The following PARP1 variants were observed in gnomAD, a reference collection of about 807,000 sequenced individuals.
PARP1 encodes the protein poly [ADP-ribose] polymerase 1.
A neutral mutation model predicts 118.7 loss-of-function variants in PARP1; 44 were observed. That is an observed-to-expected ratio of 0.37 (90% CI 0.29 to 0.48). PARP1 has a LOEUF of 0.48. Among genes scored for constraint, PARP1 ranks in the 20% least tolerant of loss-of-function variants. PARP1 has a pLI of 0.99. For missense variants in PARP1, 1,100 were observed against 1,272.4 expected (o/e 0.86, Z 2.06); for synonymous variants, 492 against 483.2 (o/e 1.02, Z -0.24).
intron 2 of PARP1, among the ~76,000 whole-genome samples, chr1:226,397,085 T>C (rs1458687282): frequency 6.6e-6 from 1 of 151,418 alleles, no homozygotes; most frequent in Non-Finnish European, 1.5e-5. Context: ...AGCCAAGAGT[T>C]TGAGACCAGC....
chr1:226,374,842 G>A (rs1053275093), intron 13 of PARP1, among the ~76,000 whole-genome samples: 1 of 152,166 alleles, frequency 6.6e-6, no homozygotes. Flanking sequence ...AAAGTACCAA[G>A]CAACCAGTCC....
intron 19 of PARP1, 49 bp downstream of exon 19, chr1:226,364,953 C>T (rs746083590): frequency 6.2e-7 from 1 of 1,605,518 alleles, no homozygotes; most frequent in South Asian, 1.1e-5. Context: ...TTTATGGAGA[C>T]ACCTGCAGAG....
At chr1:226,379,683 A>AACTT (rs1664566834) in intron 10 of PARP1, 42 bp from the exon 11 acceptor site, 1 of 1,508,258 alleles carries the variant, frequency 6.6e-7, no homozygotes, top group African/African-American at 1.4e-5. Context: ...AGTTAAATGT[A>AACTT]ACTAAAAAGT....
intron 12 of PARP1, among the ~76,000 whole-genome samples, chr1:226,378,566 G>A (rs1040942456): frequency 5.9e-5 from 9 of 152,112 alleles, no homozygotes; most frequent in Admixed American, 2.0e-4. Flanking sequence ...AGCCAGCTGG[G>A]GCTGGGTGCA....
chr1:226,363,783 T>A (rs561276591), intron 20 of PARP1, among the ~76,000 whole-genome samples, 160 bp downstream of exon 20: 1 of 152,340 alleles, frequency 6.6e-6, no homozygotes, highest in African/African-American at 2.4e-5. Flanking sequence ...TTCCCTTAAC[T>A]TGAATTGGAT....
In PARP1 at chr1:226,380,079, G is replaced by C. The variant is rs2102735595; in HGVS notation, c.1386C>G (p.Val462=). The C allele has an allele frequency of 6.2e-7, 1 of 1,614,220 alleles. No individual in the cohort carries two copies. Residue 462 remains valine (V), a synonymous_variant, in exon 10 of 23, where the codon GTC becomes GTG. Coordinates refer to ENST00000366794, the MANE Select transcript of PARP1 (RefSeq NM_001618.4). ...RVVSEDFLQD[V]SASTKSLQEL... The stretch of plus-strand genomic sequence containing the variant: ...CCTGAAGGCTCTTGGTGGAGGCGGA[G>C]ACGTCCTGGAGGAAGTCCTCAGACA...
Position 226,363,115 on chromosome 1 carries a change from G to C in PARP1, c.2832C>G (p.Gly944=). 1 of 1,613,440 alleles carries C rather than the reference G, an allele frequency of 6.2e-7. No homozygotes were observed. Residue 944 remains glycine, a synonymous_variant, in exon 21 of 23, where the codon GGC becomes GGG. Coordinates refer to ENST00000366794, the MANE Select transcript of PARP1 (RefSeq NM_001618.4). ...ACACTTTACCTTTGACACTGTGCTT[G>C]CCCTTGGGTAACTTGCTGATATGTG... is the stretch of plus-strand genomic sequence containing the variant. ...HASHISKLPK[G]KHSVKGLGKT... is the part of the protein sequence containing the mutation.
At chr1:226,381,960 G>A (rs1367905001) in intron 8 of PARP1, among the ~76,000 whole-genome samples, 2 of 152,184 alleles carry the variant, frequency 1.3e-5, no homozygotes, top group Non-Finnish European at 2.9e-5. Context: ...GCAAGTCAGG[G>A]GAAAGCAGAG....
At chr1:226,388,569 A>G (rs2255403) in intron 5 of PARP1, 87 bp downstream of exon 5, 183,779 of 933,016 alleles carry the variant, frequency 0.2, 21,663 homozygotes, top group East Asian at 0.47. Flanking sequence ...AATAAGTGGG[A>G]CACAACTCCT....
At position 226,377,143 on chromosome 1, in the gene PARP1, T is replaced by C. The variant is rs1378873414; in HGVS notation, c.1906A>G (p.Lys636Glu). 5 of 1,613,978 alleles carry C rather than the reference T, an allele frequency of 3.1e-6. No individual in the cohort carries two copies. In the East Asian group the frequency reaches 1.1e-4, roughly 36 times the overall value. The change falls in exon 13 of 23, where the codon AAA becomes GAA. Residue 636 changes from lysine (K) to glutamate (E), a missense_variant. Coordinates refer to ENST00000366794, the MANE Select transcript of PARP1 (RefSeq NM_001618.4). ...TCAATCTCCAGGGGGTAGAACTTTT[T>C]GGGATACTTCGTGAAATTTTTGGAG... ...WHSKNFTKYP[K>E]KFYPLEIDYG...
At position 226,377,279 on chromosome 1, in the gene PARP1, G is replaced by A. The variant is rs370401991; in HGVS notation, c.1770C>T (p.Gly590=). ...ENRYWIFRSW[G]RVGTVIGSNK... The stretch of plus-strand genomic sequence containing the variant: ...TGCTACCGATCACCGTACCCACACG[G>A]CCCCAGGACCTGAATATCCAATACC... The change falls in exon 13 of 23, where the codon GGC becomes GGT. Residue 590 remains glycine, a synonymous_variant. Coordinates refer to ENST00000366794, the MANE Select transcript of PARP1 (RefSeq NM_001618.4). 3.7e-6 allele frequency: 6 copies of A among 1,613,848 alleles called. No individual in the cohort carries two copies. The African/African-American group carries it at 5.3e-5, about 14-fold the overall frequency.
chr1:226,370,596 C>A, intron 14 of PARP1, 79 bp from the exon 15 acceptor site: 1 of 1,103,702 alleles, frequency 9.1e-7, no homozygotes. Context: ...GGGCAGCCCA[C>A]CCTCAGGCCC....
At chr1:226,386,294 T>C (rs1401815769) in intron 6 of PARP1, 32 bp downstream of exon 6, 2 of 1,349,034 alleles carry the variant, frequency 1.5e-6, no homozygotes, top group South Asian at 1.2e-5. Context: ...CGGCCTCACA[T>C]GCGTGTCCCA....
intron 4 of PARP1, 100 bp downstream of exon 4, chr1:226,390,310 C>A (rs532590588): frequency 1.9e-6 from 2 of 1,028,018 alleles, no homozygotes; most frequent in East Asian, 4.8e-5. Context: ...TGACAGTCAG[C>A]GAAGGGAAAC....
Position 226,402,341 on chromosome 1 carries a change from G to C in PARP1, c.159C>G (p.His53Gln). ...GGCCCACCTTCCAGAAGCAGGAGAA[G>C]TGGTACCAGTGTGGGACTTTTCCAT... ...MFDGKVPHWY[H>Q]FSCFWKVGHS... Residue 53 changes from histidine (H) to glutamine (Q), a missense_variant, in exon 2 of 23, where the codon CAC becomes CAG. Transcript: ENST00000366794. 3 of 1,613,878 alleles carry C rather than the reference G, an allele frequency of 1.9e-6. No homozygotes were observed. The highest frequency in any genetic ancestry group is 2.5e-6 in the Non-Finnish European group (3 of 1,180,040).
At chr1:226,407,144 C>T (rs1237440076) in intron 1 of PARP1, among the ~76,000 whole-genome samples, 1 of 152,070 alleles carries the variant, frequency 6.6e-6, no homozygotes, top group Non-Finnish European at 1.5e-5. Context: ...ACATGAGAAA[C>T]CCCCCTGGAG....
chr1:226,386,982 TCTAA>T (rs759245108), intron 5 of PARP1, among the ~76,000 whole-genome samples: 1 of 152,174 alleles, frequency 6.6e-6, no homozygotes, highest in African/African-American at 2.4e-5. Context: ...TTACGTGTCT[TCTAA>T]CTTATTTTTT....
chr1:226,362,931 A>ACCG (rs369430934), intron 21 of PARP1, among the ~76,000 whole-genome samples, 168 bp downstream of exon 21: 85 of 150,072 alleles, frequency 5.7e-4, no homozygotes, highest in African/African-American at 1.9e-3. Context: ...CACCACCACC[A>ACCG]CCCCCCAAAC....
chr1:226,406,557 G>C (rs1195829066), intron 1 of PARP1, among the ~76,000 whole-genome samples: 1 of 152,210 alleles, frequency 6.6e-6, no homozygotes, highest in Non-Finnish European at 1.5e-5. Flanking sequence ...ACAATGCCTA[G>C]AGCACAGCTC....
Sources: allele counts gnomAD v4.1 joint callset (sites outside exome capture counted in the v4.1 genomes callset), GRCh38; gene constraint gnomAD v4.1.1; transcripts MANE v1.5; gene names NCBI Gene and HGNC (gene_info 2026-07-23, HGNC 2026-07-21).